SMPD4: variants seen among roughly 807,000 people sequenced by gnomAD.
SMPD4 encodes sphingomyelin phosphodiesterase 4.
In SMPD4, 58 loss-of-function variants were observed where a neutral mutation model predicts 97.8. The observed-to-expected ratio is 0.59, with a 90% CI of 0.48 to 0.74. SMPD4 has a LOEUF of 0.74. Ranked by LOEUF, SMPD4 falls within the 30% of genes least tolerant of loss-of-function variation. The probability of loss-of-function intolerance (pLI) is 0.00; values close to 1 mark genes in which losing one functional copy is unlikely to be tolerated. For missense variants in SMPD4, 853 were observed against 1,080.5 expected, an observed-to-expected ratio of 0.79 and a Z score of 2.95; for synonymous variants, 388 against 450.0, an observed-to-expected ratio of 0.86 and a Z score of 1.74.
At chr2:130,168,542 C>T (rs1043165466) in intron 8 of SMPD4, among the ~76,000 whole-genome samples, 1 of 151,496 alleles carries the variant, frequency 6.6e-6, no homozygotes, top group Non-Finnish European at 1.5e-5. Flanking sequence ...TTTTTTGAGA[C>T]AGGATCGTAC....
intron 11 of SMPD4, among the ~76,000 whole-genome samples, chr2:130,160,468 T>C (rs1687280881): frequency 6.6e-6 from 1 of 152,188 alleles, no homozygotes; most frequent in Non-Finnish European, 1.5e-5. Flanking sequence ...CCCCTACAGG[T>C]CTGAACTCTG....
intron 1 of SMPD4, among the ~76,000 whole-genome samples, chr2:130,178,014 A>G (rs996451794): frequency 6.6e-6 from 1 of 152,210 alleles, no homozygotes; most frequent in African/African-American, 2.4e-5. Flanking sequence ...TCCCCAGCTG[A>G]CAGCCAGCAA....
intron 1 of SMPD4, among the ~76,000 whole-genome samples, chr2:130,178,711 C>T (rs571109986): frequency 1.1e-4 from 16 of 151,576 alleles, no homozygotes; most frequent in African/African-American, 3.9e-4. Flanking sequence ...ATGAGAAATG[C>T]TTGAGCCCAG....
intron 9 of SMPD4, among the ~76,000 whole-genome samples, chr2:130,167,244 C>A (rs1182834388): frequency 6.6e-6 from 1 of 152,168 alleles, no homozygotes; most frequent in East Asian, 1.9e-4. Flanking sequence ...CCTCAGCCTC[C>A]CGAGTAGCTG....
chr2:130,172,895 C>T lies in SMPD4; in HGVS notation c.346G>A (p.Gly116Ser), dbSNP rs1041366791. Residue 116 changes from glycine to serine, a missense_variant and splice_region_variant, in exon 6 of 20, where the codon GGT becomes AGT. Physicochemically the swap from Gly to Ser is moderately conservative, Grantham distance 56. This residue lies in a region of SMPD4 where 313 missense variants were observed against 402.2 expected (regional missense o/e 0.78). Transcript: ENST00000680298. ...TCCTGGATGGACGCCTTCACAGGACCCTGCAGAGAGAGGCAGTGAGGCTTG... is the reference window on the plus strand; with the variant it reads ...TCCTGGATGGACGCCTTCACAGGACTCTGCAGAGAGAGGCAGTGAGGCTTG... ...KFDFPVSYLP[G>S]PVKASIQECI... The T allele has an allele frequency of 6.2e-7, 1 of 1,609,592 alleles. No individual in the cohort carries two copies.
intron 9 of SMPD4, among the ~76,000 whole-genome samples, chr2:130,164,664 A>C (rs1273538180): frequency 6.6e-6 from 1 of 152,212 alleles, no homozygotes; most frequent in Non-Finnish European, 1.5e-5. Context: ...CTTAGAAGAA[A>C]ACATGGGAGA....
intron 10 of SMPD4, among the ~76,000 whole-genome samples, chr2:130,163,787 A>G (rs1254673312): frequency 6.6e-6 from 1 of 152,210 alleles, no homozygotes; most frequent in African/African-American, 2.4e-5. Context: ...CGCCACCTCC[A>G]TGCATCTGAA....
At position 130,157,293 on chromosome 2, in the gene SMPD4, G is replaced by A. The variant is rs1196171668; in HGVS notation, c.1055C>T (p.Ser352Phe). ...NSLKPEQASP[S>F]AHSHATSPLE... ...GGGGCTGGTGGCGTGGGAGTGGGCG[G>A]AGGGTGAGGCCTGCTCTGGCTTCAG... is the stretch of plus-strand genomic sequence containing the variant. The change falls in exon 12 of 20, where the codon TCC becomes TTC. Residue 352 changes from serine (S) to phenylalanine (F), a missense_variant. Ser to Phe is a radical substitution (Grantham distance 155). Transcript: ENST00000680298. 1 of 1,566,868 alleles carries A rather than the reference G, an allele frequency of 6.4e-7. No homozygotes were observed. The highest frequency in any genetic ancestry group is 1.4e-5 in the African/African-American group (1 of 73,938).
rs760095175 is a variant in SMPD4 at position 130,153,917 on chromosome 2, G to C, written c.1678C>G (p.Leu560Val). The C allele has an allele frequency of 3.1e-6, 5 of 1,613,654 alleles. No homozygotes were observed. The highest frequency in any genetic ancestry group is 4.2e-6 in the Non-Finnish European group (5 of 1,179,828). The change falls in exon 17 of 20, where the codon CTC (leucine) becomes GTC (valine). Residue 560 changes from leucine (L) to valine (V), a missense_variant. Physicochemically the swap from Leu to Val is conservative, Grantham distance 32. Transcript: ENST00000680298. ...ARTLVLRLAQ[L>V]ITQAKHTAKS... ...GCTGTGTGTTTGGCCTGTGTGATGA[G>C]CTGAGCGAGGCGCAGGACCTGCAAG...
intron 11 of SMPD4, among the ~76,000 whole-genome samples, chr2:130,160,851 A>G (rs1355281998): frequency 6.6e-6 from 1 of 152,166 alleles, no homozygotes; most frequent in Non-Finnish European, 1.5e-5. Flanking sequence ...CTGAGGCCTG[A>G]GGACTCCAGC....
chr2:130,158,189 C>T, intron 11 of SMPD4: 1 of 1,282,200 alleles, frequency 7.8e-7, no homozygotes, highest in Non-Finnish European at 1.0e-6. Context: ...CCCACCTGCT[C>T]CTCATCCTGG....
Position 130,152,583 on chromosome 2 carries a change from G to A in SMPD4, c.2456C>T (p.Thr819Ile). 6 of 1,549,190 alleles carry A rather than the reference G, an allele frequency of 3.9e-6. No homozygotes were observed. The highest frequency in any genetic ancestry group is 5.2e-6 in the Non-Finnish European group (6 of 1,146,270). Reference protein sequence around the residue: ...VLYASAMTLLTERGKLHQP With the variant: ...VLYASAMTLLIERGKLHQP ...GGGCTGGTGCAGCTTCCCCCGCTCG[G>A]TCAGCAGTGTCATGGCAGAGGCGTA... Residue 819 changes from threonine to isoleucine, a missense_variant, in exon 20 of 20, where the codon ACC (threonine) becomes ATC (isoleucine). By Grantham distance (89) the Thr-to-Ile change is moderately conservative (BLOSUM62 -1). Around this residue, in one of 3 missense-constraint regions of SMPD4, gnomAD observed 511 missense variants for 608.1 expected, o/e 0.84. Coordinates refer to ENST00000680298, the MANE Select transcript of SMPD4 (RefSeq NM_017951.5).
intron 14 of SMPD4, 61 bp from the exon 15 acceptor site, chr2:130,155,320 C>T (rs527832118): frequency 2.4e-5 from 38 of 1,597,666 alleles, no homozygotes; most frequent in Middle Eastern, 1.7e-4. Flanking sequence ...CCCTAATGCC[C>T]GGTCCGTGCC....
At chr2:130,174,154 G>A (rs1313594879) in intron 3 of SMPD4, among the ~76,000 whole-genome samples, 1 of 152,116 alleles carries the variant, frequency 6.6e-6, no homozygotes, top group African/African-American at 2.4e-5. Flanking sequence ...CTGAGTAAAT[G>A]GGACTATAGG....
Position 130,152,506 on chromosome 2 carries a change from G to A in SMPD4, c.*49C>T, listed in dbSNP as rs1300273717. 2.7e-6 allele frequency: 4 copies of A among 1,497,288 alleles called. No homozygotes were observed. Among genetic ancestry groups the A allele is most frequent in the East Asian group, 2.5e-5 (1 of 40,294 alleles). 92.8% of individuals were successfully genotyped at this position (1,497,288 alleles called of 1,614,324 possible). A position where few individuals can be genotyped will look rare whatever the true frequency, so the allele number is the denominator to read the frequency against. ...CCCAGGTCCTCTCAGCCCAAGGGTG[G>A]GGCTGTGTGGCAAATCCCTCCAGCC... On this transcript the variant is annotated 3_prime_UTR_variant, in exon 20 of 20. Coordinates refer to ENST00000680298, the MANE Select transcript of SMPD4 (RefSeq NM_017951.5).
At position 130,172,364 on chromosome 2, in the gene SMPD4, G is replaced by A. The variant is rs1239948260; in HGVS notation, c.644C>T (p.Pro215Leu). ...GCAGCCTTACCTGGGAGGTGGTGAG[G>A]GGCTGGTCCCCCCTGGGCTGGAGGA... ...PLSSSPGGTS[P>L]SPPPRTPAIP... The change falls in exon 8 of 20, where the codon CCC becomes CTC. Residue 215 changes from proline (P) to leucine (L), a missense_variant. Pro to Leu is a moderately conservative substitution (Grantham distance 98, BLOSUM62 -3). Around this residue, in one of 3 missense-constraint regions of SMPD4, gnomAD observed 313 missense variants for 402.2 expected, o/e 0.78. Coordinates refer to ENST00000680298, the MANE Select transcript of SMPD4 (RefSeq NM_017951.5). 1 of 1,597,106 alleles carries A rather than the reference G, an allele frequency of 6.3e-7. No individual in the cohort carries two copies. The highest frequency in any genetic ancestry group is 8.5e-7 in the Non-Finnish European group (1 of 1,171,288).
intron 8 of SMPD4, among the ~76,000 whole-genome samples, chr2:130,170,307 T>G (rs1344090514): frequency 6.6e-6 from 1 of 151,582 alleles, no homozygotes; most frequent in East Asian, 1.9e-4. Flanking sequence ...CTCAACATGG[T>G]GAAACCCTGT....
intron 11 of SMPD4, among the ~76,000 whole-genome samples, chr2:130,160,337 C>T (rs1047830259): frequency 1.3e-5 from 2 of 152,236 alleles, no homozygotes; most frequent in African/African-American, 4.8e-5. Context: ...ATTTTCTCAT[C>T]TTATGCTCAA....
chr2:130,174,556 A>AT (rs1558763732), intron 3 of SMPD4, among the ~76,000 whole-genome samples: 1 of 152,182 alleles, frequency 6.6e-6, no homozygotes, highest in Non-Finnish European at 1.5e-5. Context: ...TTTGGGCTAG[A>AT]TACTTCTTTG....
Sources: allele counts gnomAD v4.1 joint callset (sites outside exome capture counted in the v4.1 genomes callset), GRCh38; gene constraint gnomAD v4.1.1; regional missense constraint gnomAD v4.1.1; transcripts MANE v1.5; gene names NCBI Gene and HGNC (gene_info 2026-07-23, HGNC 2026-07-21).